The following LSS variants were observed in gnomAD, a reference collection of about 807,000 sequenced individuals.
LSS encodes the protein lanosterol synthase.
A neutral mutation model predicts 110.3 loss-of-function variants in LSS; 90 were observed. That is an observed-to-expected ratio of 0.82 (90% CI 0.69 to 0.97). The LOEUF (loss-of-function observed/expected upper bound fraction) is 0.97. LSS is among the 50% of genes least tolerant of loss of function. The pLI, the probability that LSS is intolerant of heterozygous loss-of-function variation, is 0.00. For missense variants in LSS, 927 were observed against 990.0 expected (o/e 0.94, Z 0.85); for synonymous variants, 433 against 400.0 (o/e 1.08, Z -0.98).
rs772977807 is a variant in LSS, at chr21:46,208,265, G to A, written c.1303C>T (p.Arg435Cys). Residue 435 changes from arginine (R) to cysteine (C), a missense_variant, in exon 14 of 22, where the codon CGC (arginine) becomes TGC (cysteine). By Grantham distance (180) the Arg-to-Cys change is radical (BLOSUM62 -3). Transcript: ENST00000397728. ...DNPPDYQKYY[R>C]QMRKGGFSFS... The stretch of plus-strand genomic sequence containing the variant: ...CTCCCGCATACCTTGCGCATCTGGC[G>A]GTAGTACTTCTGGTAGTCGGGAGGG... 21 of 1,552,462 alleles carry A rather than the reference G, an allele frequency of 1.4e-5. No homozygotes were observed. The East Asian group carries it at 4.1e-4, about 31-fold the overall frequency.
intron 3 of LSS, among the ~76,000 whole-genome samples, chr21:46,226,336 G>A (rs2080339583): frequency 1.3e-5 from 2 of 152,332 alleles, no homozygotes; most frequent in South Asian, 4.1e-4. Context: ...CAGAGGCAAA[G>A]TGGGGCTGAC....
chr21:46,210,063 C>CTTTTTTTTTTT (rs71318051), intron 12 of LSS, among the ~76,000 whole-genome samples: 1 of 107,592 alleles, frequency 9.3e-6, no homozygotes, highest in African/African-American at 3.7e-5. Flanking sequence ...AGTTCCAGTT[C>CTTTTTTTTTTT]TTTTTTTTTT....
chr21:46,195,834 A>C (rs2079902576), intron 18 of LSS, 78 bp from the exon 19 acceptor site: 1 of 1,204,242 alleles, frequency 8.3e-7, no homozygotes, highest in Admixed American at 1.8e-5. Flanking sequence ...ATTCTGCAAC[A>C]ATCACACGTG....
At position 46,219,573 on chromosome 21, in the gene LSS, C is replaced by T; in HGVS notation, c.551-1G>A. The T allele has an allele frequency of 1.9e-6, 3 of 1,586,670 alleles. No homozygotes were observed. Among genetic ancestry groups the T allele is most frequent in the Non-Finnish European group, 2.6e-6 (3 of 1,165,874 alleles). ...CAGGAGGGGATGGCCACAGCACCAC[C>T]TGAGCGGGGAGAGAATAGGCCCACG... is the stretch of plus-strand genomic sequence containing the variant. On this transcript the variant is annotated splice_acceptor_variant, in intron 5 of 21. Transcript: ENST00000397728. LOFTEE classifies it high-confidence loss of function.
At chr21:46,227,242 ACCTGGAATGTCCATCCCAT>A in intron 3 of LSS, 1 of 304,256 alleles carries the variant, frequency 3.3e-6, no homozygotes, top group South Asian at 8.5e-5. Flanking sequence ...TGGGCCTTCC[ACCTGGAATGTCCATCCCAT>A]CCTGTACTGA....
Position 46,206,661 on chromosome 21 carries a change from C to T in LSS, c.1564+11G>A, listed in dbSNP as rs368834493. The T allele has an allele frequency of 3.9e-5, 62 of 1,609,360 alleles. No individual in the cohort carries two copies. The East Asian group carries it at 6.2e-4, about 16-fold the overall frequency. Reference sequence around the variant, plus strand: ...CGGGTTTGCGCGCCGCAGTGCTGGCCGACCACTCACCGAAGACCTCCGAGG... The same window carrying T: ...CGGGTTTGCGCGCCGCAGTGCTGGCTGACCACTCACCGAAGACCTCCGAGG... On this transcript the variant is annotated intron_variant, in intron 16 of 21. Transcript: ENST00000397728.
chr21:46,216,908 T>C lies in LSS; in HGVS notation c.648-384A>G, dbSNP rs2080214124. 6.6e-6 allele frequency among the ~76,000 whole-genome samples: 1 copy of C among 152,030 alleles called. No homozygotes were observed. Among genetic ancestry groups the C allele is most frequent in the Admixed American group, 6.5e-5 (1 of 15,270 alleles). On this transcript the variant is annotated intron_variant, in intron 6 of 21. Transcript: ENST00000397728. The surrounding 1 kb of genome is among the most constrained non-coding windows in gnomAD (Gnocchi z 4.2). The stretch of plus-strand genomic sequence containing the variant: ...GCTATCTTTGCAACTTTTCCAGAAA[T>C]TGGAAACTACTCCAAAATTTAAAGT...
intron 20 of LSS, among the ~76,000 whole-genome samples, chr21:46,194,119 A>G (rs2123694395): frequency 6.6e-6 from 1 of 152,282 alleles, no homozygotes; most frequent in Admixed American, 6.5e-5. Context: ...TGAACACAGT[A>G]GGGCCACAGA....
Position 46,215,697 on chromosome 21 carries a change from G to A in LSS, c.880C>T (p.Arg294Cys), listed in dbSNP as rs756322063. 12 of 1,610,744 alleles carry A rather than the reference G, an allele frequency of 7.4e-6. No individual in the cohort carries two copies. The Admixed American group carries it at 8.4e-5, about 11-fold the overall frequency. The change falls in exon 8 of 22, where the codon CGC (arginine) becomes TGC (cysteine). Residue 294 changes from arginine (R) to cysteine (C), a missense_variant. Physicochemically the swap from Arg to Cys is radical, Grantham distance 180. Coordinates refer to ENST00000397728, the MANE Select transcript of LSS (RefSeq NM_002340.6). ...AGGAGGCGCTCACCATATACCACGC[G>A]GAGCAGCCAGCTGTGCGGCGTGTAC... ...ELYTPHSWLL[R>C]VVYALLNLYE...
At position 46,215,175 on chromosome 21, in the gene LSS, C is replaced by T. The variant is rs2080184149; in HGVS notation, c.1011+5G>A. The T allele has an allele frequency of 6.2e-7, 1 of 1,608,152 alleles. No individual in the cohort carries two copies. Among genetic ancestry groups the T allele is most frequent in the Admixed American group, 1.7e-5 (1 of 59,986 alleles). On this transcript the variant is annotated splice_donor_5th_base_variant and intron_variant, in intron 9 of 21. Transcript: ENST00000397728. ...TGCAGTCAGAGGCCGGGCAGGGGCACTGACCGGGCCGATGCTGATGCTCTT... is the reference window on the plus strand; with the variant it reads ...TGCAGTCAGAGGCCGGGCAGGGGCATTGACCGGGCCGATGCTGATGCTCTT...
At chr21:46,226,043 G>A (rs529437645) in intron 3 of LSS, among the ~76,000 whole-genome samples, 5 of 151,932 alleles carry the variant, frequency 3.3e-5, no homozygotes, top group South Asian at 2.1e-4. Context: ...GGCTGAGGCA[G>A]GAGAATCACT....
chr21:46,199,438 T>G (rs2079951301), intron 17 of LSS, among the ~76,000 whole-genome samples: 2 of 152,212 alleles, frequency 1.3e-5, no homozygotes, highest in African/African-American at 4.8e-5. Context: ...TGCAGCCACT[T>G]AAGATACAGT....
At chr21:46,224,096 C>A (rs1292728126) in intron 3 of LSS, among the ~76,000 whole-genome samples, 1 of 152,214 alleles carries the variant, frequency 6.6e-6, no homozygotes, top group Admixed American at 6.5e-5. Context: ...ATCCTGTACA[C>A]CTGGCTCTGC....
chr21:46,211,343 A>G (rs1317056987), intron 11 of LSS, among the ~76,000 whole-genome samples: 1 of 152,040 alleles, frequency 6.6e-6, no homozygotes, highest in Non-Finnish European at 1.5e-5. Flanking sequence ...GTTAGCCAGG[A>G]TGGTCTCTAT....
At chr21:46,221,583 C>T (rs1298756710) in intron 5 of LSS, among the ~76,000 whole-genome samples, 1 of 152,190 alleles carries the variant, frequency 6.6e-6, no homozygotes, top group Admixed American at 6.5e-5. Context: ...GCCTCGAACT[C>T]TTAGGTTGAA....
intron 14 of LSS, among the ~76,000 whole-genome samples, chr21:46,208,041 T>C (rs1183007082): frequency 6.6e-6 from 1 of 152,192 alleles, no homozygotes; most frequent in East Asian, 1.9e-4. Flanking sequence ...CACGGCTGTG[T>C]GTGCAAGCCA....
intron 17 of LSS, among the ~76,000 whole-genome samples, chr21:46,204,633 G>C (rs975885192): frequency 6.7e-6 from 1 of 149,586 alleles, no homozygotes; most frequent in South Asian, 2.1e-4. Flanking sequence ...AAAAAAAAAA[G>C]AAAGAAAGAA....
In LSS at chr21:46,215,222, A is replaced by C; in HGVS notation, c.969T>G (p.Ile323Met). Residue 323 changes from isoleucine (I) to methionine (M), a missense_variant, in exon 9 of 22, where the codon ATT (isoleucine) becomes ATG (methionine). Ile to Met is a conservative substitution (Grantham distance 10). Coordinates refer to ENST00000397728, the MANE Select transcript of LSS (RefSeq NM_002340.6). ...QRAVQKLYEH[I>M]VADDRFTKSI... ...TCTTGGTGAATCGGTCGTCGGCCAC[A>C]ATGTGTTCATACAGCTTCTGCACGG... 1.2e-6 allele frequency: 2 copies of C among 1,611,280 alleles called. No individual in the cohort carries two copies. Among genetic ancestry groups the C allele is most frequent in the South Asian group, 1.1e-5 (1 of 90,984 alleles).
At position 46,189,384 on chromosome 21, in the gene LSS, A is replaced by G. The variant is rs991195578; in HGVS notation, c.*1720T>C. On this transcript the variant is annotated 3_prime_UTR_variant, in exon 22 of 22. Transcript: ENST00000397728. ...AAAACAGCATGTGCAAACCTGACAG[A>G]TGTCAAGGGTCCCAACACAGTTCCT... The G allele has an allele frequency of 3.3e-6, 1 of 302,418 alleles. No homozygotes were observed. 18.7% of individuals were successfully genotyped at this position (302,418 alleles called of 1,614,324 possible). A position where few individuals can be genotyped will look rare whatever the true frequency, so the allele number is the denominator to read the frequency against.
Sources: allele counts gnomAD v4.1 joint callset (sites outside exome capture counted in the v4.1 genomes callset), GRCh38; gene constraint gnomAD v4.1.1; non-coding constraint Gnocchi (gnomAD v3.1); transcripts MANE v1.5; gene names NCBI Gene and HGNC (gene_info 2026-07-23, HGNC 2026-07-21).